The following CAGE1 variants were observed in gnomAD, a reference collection of about 807,000 sequenced individuals.
The protein encoded by CAGE1 is cancer-associated gene 1 protein.
A neutral mutation model predicts 94.9 loss-of-function variants in CAGE1; 66 were observed. The observed-to-expected ratio is 0.70, with a 90% CI of 0.57 to 0.85. The LOEUF (loss-of-function observed/expected upper bound fraction) is 0.85. CAGE1 is among the 40% of genes least tolerant of loss of function. CAGE1 has a pLI of 0.00. For missense variants in CAGE1, 865 were observed against 950.4 expected (o/e 0.91, Z 1.18); for synonymous variants, 319 against 321.0 (o/e 0.99, Z 0.07).
Position 7,339,207 on chromosome 6 carries a change from C to A in CAGE1, c.2370-5117G>T. On this transcript the variant is annotated intron_variant, in intron 11 of 13. Transcript: ENST00000502583. The surrounding 1 kb of genome is among the most constrained non-coding windows in gnomAD (Gnocchi z 4.7). ...AGTTTCCATGATGAACCGCGACACA[C>A]CATAGCAGGCCCTCCGCACAGCAAG... The A allele has an allele frequency of 2.0e-6, 3 of 1,533,830 alleles. No individual in the cohort carries two copies. Among genetic ancestry groups the A allele is most frequent in the Non-Finnish European group, 2.7e-6 (3 of 1,108,280 alleles).
intron 11 of CAGE1, chr6:7,341,020 G>A (rs2113365847): frequency 4.3e-6 from 2 of 460,850 alleles, no homozygotes; most frequent in East Asian, 5.2e-5. Flanking sequence ...CTCTTCAAAT[G>A]TACAGGGATC....
At chr6:7,385,050 G>A (rs1266082672) in intron 3 of CAGE1, among the ~76,000 whole-genome samples, 6 of 151,812 alleles carry the variant, frequency 4.0e-5, no homozygotes, top group Non-Finnish European at 7.4e-5. Flanking sequence ...TTGTTGCCCA[G>A]GCTGGAGCGC....
In CAGE1 at chr6:7,376,372, G is replaced by C. The variant is rs193041690; in HGVS notation, c.688-2241C>G. ...CCACTGCACTGCAGCCTGGGCGACA[G>C]AGCGAGACTCCATCTCAAAATAAAT... On this transcript the variant is annotated intron_variant, in intron 4 of 13. Coordinates refer to ENST00000502583, the MANE Select transcript of CAGE1 (RefSeq NM_001170692.2). Among the ~76,000 whole-genome samples the C allele has an allele frequency of 3.0e-3, 455 of 151,492 alleles. 1 individual carries two copies. Among genetic ancestry groups the C allele is most frequent in the Admixed American group, 5.7e-3 (86 of 15,122 alleles).
At chr6:7,376,420 AT>A (rs1297717643) in intron 4 of CAGE1, among the ~76,000 whole-genome samples, 1 of 151,164 alleles carries the variant, frequency 6.6e-6, no homozygotes, top group Non-Finnish European at 1.5e-5. Context: ...AAATAAATAA[AT>A]AAATAAATAA....
At chr6:7,331,377 A>G in intron 12 of CAGE1, 1 of 984,712 alleles carries the variant, frequency 1.0e-6, no homozygotes, top group Non-Finnish European at 1.5e-6. Context: ...ATATGAGAAC[A>G]GCTGCTACTT....
intron 4 of CAGE1, among the ~76,000 whole-genome samples, chr6:7,374,670 A>G (rs920298481): frequency 2.6e-5 from 4 of 152,144 alleles, no homozygotes; most frequent in Non-Finnish European, 5.9e-5. Context: ...CAGGAACATT[A>G]GAATGGCAGA....
At chr6:7,383,634 C>T (rs1311174685) in intron 3 of CAGE1, among the ~76,000 whole-genome samples, 2 of 152,060 alleles carry the variant, frequency 1.3e-5, no homozygotes, top group African/African-American at 4.8e-5. Flanking sequence ...GGTAAGTCTC[C>T]ACATCTTCTT....
intron 11 of CAGE1, chr6:7,340,802 TA>T: frequency 2.5e-6 from 1 of 392,906 alleles, no homozygotes. Context: ...GCAGACAGTC[TA>T]CTCCCTCAAT....
chr6:7,339,307 C>T lies in CAGE1; in HGVS notation c.2370-5217G>A, dbSNP rs112917776. On this transcript the variant is annotated intron_variant, in intron 11 of 13. Transcript: ENST00000502583. The surrounding 1 kb of genome is among the most constrained non-coding windows in gnomAD (Gnocchi z 4.7). Reference sequence around the variant, plus strand: ...AGACCCCTAGTGGCCACCTCTTCAGCATAAAGCTCTACACTGCCCTCTGGA... The same window carrying T: ...AGACCCCTAGTGGCCACCTCTTCAGTATAAAGCTCTACACTGCCCTCTGGA... 13 of 1,585,040 alleles carry T rather than the reference C, an allele frequency of 8.2e-6. No individual in the cohort carries two copies. Among genetic ancestry groups the T allele is most frequent in the Non-Finnish European group, 9.5e-6 (11 of 1,154,220 alleles).
intron 11 of CAGE1, among the ~76,000 whole-genome samples, chr6:7,345,846 A>C (rs1308199756): frequency 6.6e-6 from 1 of 151,868 alleles, no homozygotes; most frequent in African/African-American, 2.4e-5. Flanking sequence ...AATGGTGTGA[A>C]CCCGGGAGGA....
intron 11 of CAGE1, among the ~76,000 whole-genome samples, chr6:7,342,658 G>A (rs1759227826): frequency 6.6e-6 from 1 of 152,208 alleles, no homozygotes; most frequent in Non-Finnish European, 1.5e-5. Flanking sequence ...TCTCCTCAAT[G>A]AATGTGTTAA....
intron 2 of CAGE1, 44 bp downstream of exon 2, chr6:7,386,935 T>C: frequency 7.9e-7 from 1 of 1,268,064 alleles, no homozygotes; most frequent in Non-Finnish European, 1.1e-6. Flanking sequence ...CAATGTGAAT[T>C]CTGAATACAT....
intron 4 of CAGE1, among the ~76,000 whole-genome samples, chr6:7,376,438 TAA>T (rs1006400387): frequency 6.9e-6 from 1 of 144,608 alleles, no homozygotes; most frequent in African/African-American, 2.5e-5. Flanking sequence ...ATAAATAAAA[TAA>T]AAGTTAGTTT....
At chr6:7,331,895 C>G (rs1758767141) in intron 12 of CAGE1, among the ~76,000 whole-genome samples, 1 of 152,204 alleles carries the variant, frequency 6.6e-6, no homozygotes, top group Non-Finnish European at 1.5e-5. Context: ...TTTGGTCTTC[C>G]ATTTCTACTT....
chr6:7,351,702 A>G (rs942830476), intron 11 of CAGE1, among the ~76,000 whole-genome samples: 14 of 152,086 alleles, frequency 9.2e-5, no homozygotes, highest in African/African-American at 3.4e-4. Context: ...TGGGTTTCAC[A>G]CCAGGGATTC....
Position 7,389,509 on chromosome 6 carries a change from T to C in CAGE1, c.-331A>G, listed in dbSNP as rs1188448969. The C allele has an allele frequency of 5.6e-6, 2 of 360,132 alleles. No individual in the cohort carries two copies. Among genetic ancestry groups the C allele is most frequent in the East Asian group, 1.5e-4 (2 of 13,582 alleles). 22.3% of individuals were successfully genotyped at this position (360,132 alleles called of 1,614,324 possible). A position where few individuals can be genotyped will look rare whatever the true frequency, so the allele number is the denominator to read the frequency against. On this transcript the variant is annotated 5_prime_UTR_variant, in exon 1 of 14. Coordinates refer to ENST00000502583, the MANE Select transcript of CAGE1 (RefSeq NM_001170692.2). ...CCGCGAGGCCCGAGCGACCCTACTG[T>C]GGGTGCGGTGTCTTCCCAGAGAGTG...
chr6:7,337,019 G>T (rs1758977292), intron 11 of CAGE1, among the ~76,000 whole-genome samples: 2 of 152,044 alleles, frequency 1.3e-5, no homozygotes. Flanking sequence ...TCTGTTAACA[G>T]TGTCTTCAGA....
intron 2 of CAGE1, among the ~76,000 whole-genome samples, chr6:7,386,517 C>T (rs1761125124): frequency 6.6e-6 from 1 of 152,150 alleles, no homozygotes; most frequent in Non-Finnish European, 1.5e-5. Flanking sequence ...AGTCAGGTTC[C>T]TTGGGCTCTT....
At chr6:7,369,835 A>T in intron 6 of CAGE1, 84 bp downstream of exon 6, 1 of 1,306,794 alleles carries the variant, frequency 7.7e-7, no homozygotes, top group Non-Finnish European at 1.0e-6. Context: ...TCCACAACTT[A>T]ATTCCTTTTA....
Sources: allele counts gnomAD v4.1 joint callset (sites outside exome capture counted in the v4.1 genomes callset), GRCh38; gene constraint gnomAD v4.1.1; non-coding constraint Gnocchi (gnomAD v3.1); transcripts MANE v1.5; gene names NCBI Gene and HGNC (gene_info 2026-07-23, HGNC 2026-07-21).